RNLS: variants seen among roughly 807,000 people sequenced by gnomAD.
RNLS encodes the protein renalase, FAD dependent amine oxidase.
In RNLS, 39 loss-of-function variants were observed where a neutral mutation model predicts 39.8. The ratio of observed to expected loss-of-function variants is 0.98; its 90% CI spans 0.76 to 1.28. The LOEUF is 1.28. RNLS is among the 50% of genes most tolerant of loss of function. The pLI is 0.00. For synonymous variants in RNLS, 147 were observed against 150.7 expected, an observed-to-expected ratio of 0.98 and a Z score of 0.18; for missense variants, 410 against 413.3, an observed-to-expected ratio of 0.99 and a Z score of 0.07.
the RNLS span, among the ~76,000 whole-genome samples, chr10:88,175,167 G>T: frequency 1.1e-3 from 170 of 151,898 alleles, 1 homozygote; most frequent in African/African-American, 3.9e-3. Context: ...AGTCTAGCTA[G>T]TGGTTTGTGG....
chr10:88,324,005 A>G lies in RNLS; in HGVS notation c.701-9364T>C, dbSNP rs147731441. On this transcript the variant is annotated intron_variant, in intron 5 of 6. Transcript: ENST00000331772. ...AATGTTCAACATCACTAATCATCAG[A>G]GAAATGCAAATCAAAATCGCAATGA... Among the ~76,000 whole-genome samples the G allele has an allele frequency of 1.7e-3, 255 of 152,314 alleles. 2 individuals are homozygous for G. Among genetic ancestry groups the G allele is most frequent in the African/African-American group, 5.7e-3 (235 of 41,576 alleles).
Position 88,349,319 on chromosome 10 carries a change from T to C in RNLS, c.700+13233A>G, listed in dbSNP as rs114389686. 9.0e-3 allele frequency among the ~76,000 whole-genome samples: 1,371 copies of C among 152,280 alleles called. 27 individuals carry two copies. The highest frequency in any genetic ancestry group is 0.03 in the African/African-American group (1,251 of 41,550). ...GCTTTGCAAGTGAGAGGGCAAATGT[T>C]GTCTTAGATGTAAATCTTTCCCCTT... On this transcript the variant is annotated intron_variant, in intron 5 of 6. Coordinates refer to ENST00000331772, the MANE Select transcript of RNLS (RefSeq NM_001031709.3).
chr10:88,504,317 A>C (rs914937131), intron 4 of RNLS, among the ~76,000 whole-genome samples: 1 of 152,136 alleles, frequency 6.6e-6, no homozygotes, highest in Non-Finnish European at 1.5e-5. Context: ...ATGAGTTGAT[A>C]CTAGGGTGAT....
chr10:88,296,316 TG>T (rs562299372), intron 6 of RNLS, among the ~76,000 whole-genome samples: 1,594 of 152,296 alleles, frequency 0.01, 13 homozygotes, highest in Non-Finnish European at 0.018. Flanking sequence ...CCTCCTGAAC[TG>T]GGCCTCACTA....
the RNLS span, among the ~76,000 whole-genome samples, chr10:88,213,379 A>G: frequency 1.3e-5 from 2 of 151,682 alleles, no homozygotes; most frequent in Non-Finnish European, 2.9e-5. Flanking sequence ...GAAGAATCAT[A>G]CCCCTTTATT....
chr10:88,301,360 G>A (rs899944448), intron 6 of RNLS, among the ~76,000 whole-genome samples: 3 of 152,138 alleles, frequency 2.0e-5, no homozygotes. Flanking sequence ...CTGATGACAA[G>A]GAGGTGGGCA....
intron 5 of RNLS, among the ~76,000 whole-genome samples, chr10:88,336,030 A>G (rs1847467994): frequency 6.6e-6 from 1 of 152,212 alleles, no homozygotes; most frequent in African/African-American, 2.4e-5. Flanking sequence ...TGGATAGATA[A>G]AGCAAGATTT....
chr10:88,484,163 C>T (rs1169997300), intron 4 of RNLS, among the ~76,000 whole-genome samples: 1 of 152,020 alleles, frequency 6.6e-6, no homozygotes, highest in African/African-American at 2.4e-5. Flanking sequence ...GGATGCATAA[C>T]ACAAAAATTC....
chr10:88,304,674 C>A (rs886475358), intron 6 of RNLS, among the ~76,000 whole-genome samples: 4 of 152,026 alleles, frequency 2.6e-5, no homozygotes, highest in African/African-American at 9.7e-5. Context: ...ACTAAACCTC[C>A]AAGAAATATG....
At chr10:88,194,596 C>A in the RNLS span, among the ~76,000 whole-genome samples, 3 of 152,276 alleles carry the variant, frequency 2.0e-5, no homozygotes, top group East Asian at 5.8e-4. Flanking sequence ...GACTAAGAGT[C>A]AACCAAAGAC....
At chr10:88,193,169 G>A in the RNLS span, among the ~76,000 whole-genome samples, 1 of 152,140 alleles carries the variant, frequency 6.6e-6, no homozygotes. Flanking sequence ...TGGTCAACAG[G>A]CCTCTAGAGA....
intron 5 of RNLS, among the ~76,000 whole-genome samples, chr10:88,319,986 A>T (rs1466761693): frequency 2.0e-5 from 3 of 152,112 alleles, no homozygotes; most frequent in African/African-American, 7.2e-5. Context: ...GCCTATAATT[A>T]TCAGACTATC....
chr10:88,173,749 T>G, the RNLS span, among the ~76,000 whole-genome samples: 3 of 152,172 alleles, frequency 2.0e-5, no homozygotes, highest in Non-Finnish European at 1.5e-5. Context: ...TTGCTGCACT[T>G]TATACAAATA....
At chr10:88,380,205 CTT>C (rs1851338476) in intron 4 of RNLS, among the ~76,000 whole-genome samples, 5 of 151,984 alleles carry the variant, frequency 3.3e-5, no homozygotes, top group South Asian at 2.1e-4. Flanking sequence ...CTGTTTGACT[CTT>C]GGGTTATTTG....
the RNLS span, among the ~76,000 whole-genome samples, chr10:88,231,455 G>A: frequency 6.6e-6 from 1 of 152,222 alleles, no homozygotes; most frequent in Non-Finnish European, 1.5e-5. Context: ...ACCAGTGTGT[G>A]TGTGGTATTT....
the RNLS span, among the ~76,000 whole-genome samples, chr10:88,185,693 C>A: frequency 6.6e-6 from 1 of 151,816 alleles, no homozygotes; most frequent in South Asian, 2.1e-4. Context: ...GTCAATTAAC[C>A]AAATCCTAGA....
At chr10:88,504,779 G>A (rs1464587611) in intron 4 of RNLS, among the ~76,000 whole-genome samples, 2 of 151,612 alleles carry the variant, frequency 1.3e-5, no homozygotes, top group Non-Finnish European at 1.5e-5. Flanking sequence ...GTTGGTTGAA[G>A]TATTATTGCT....
At chr10:88,418,006 T>C (rs1021143809) in intron 4 of RNLS, among the ~76,000 whole-genome samples, 1 of 152,146 alleles carries the variant, frequency 6.6e-6, no homozygotes, top group Non-Finnish European at 1.5e-5. Flanking sequence ...ATAAAAATAT[T>C]CACATAAAAT....
At chr10:88,255,275 T>C in the RNLS span, among the ~76,000 whole-genome samples, 1 of 152,254 alleles carries the variant, frequency 6.6e-6, no homozygotes, top group Non-Finnish European at 1.5e-5. Flanking sequence ...CATTTCAAAC[T>C]AGTGGCAGTC....
Sources: gnomAD v4.1 joint callset for allele counts (sites outside exome capture counted in the v4.1 genomes callset) on GRCh38, gnomAD v4.1.1 for gene constraint, MANE v1.5 for transcripts, NCBI Gene and HGNC (gene_info 2026-07-23, HGNC 2026-07-21) for gene names.